Variants in SH3KBP1 observed in about 807,000 individuals in gnomAD.
SH3KBP1 encodes SH3 domain containing kinase binding protein 1.
SH3KBP1 carries 8 observed loss-of-function variants against 50.1 expected under a neutral mutation model. That is an observed-to-expected ratio of 0.16 (90% confidence interval 0.09 to 0.29). The LOEUF (loss-of-function observed/expected upper bound fraction) is 0.29. SH3KBP1 is among the 10% of genes least tolerant of loss of function. The probability of loss-of-function intolerance (pLI) is 1.00; values close to 1 mark genes in which losing one functional copy is unlikely to be tolerated. For missense variants in SH3KBP1, 377 were observed against 535.2 expected (o/e 0.70, Z 2.92); for synonymous variants, 227 against 218.6 (o/e 1.04, Z -0.34).
At chrX:19,731,438 T>C (rs1340401036) in intron 3 of SH3KBP1, among the ~76,000 whole-genome samples, 1 of 111,613 alleles carries the variant, frequency 9.0e-6, no homozygotes, top group Non-Finnish European at 1.9e-5. Context: ...ACCTTCAATC[T>C]CATTACTCAA....
chrX:19,790,044 A>G lies in SH3KBP1; in HGVS notation c.163-43603T>C, dbSNP rs371529472. On this transcript the variant is annotated intron_variant, in intron 2 of 17. Transcript: ENST00000397821. ...AAATGAAAGCTGCCCCACCTCCTCT[A>G]AGAGGCCCAGCCTGAGGCCAAACCT... Among the ~76,000 whole-genome samples, 68 of 107,736 alleles carry G rather than the reference A, an allele frequency of 6.3e-4. No homozygotes were observed. In the East Asian group the frequency reaches 0.018, roughly 28 times the overall value. The allele number at this position is 107,736 out of a possible 115,157, so 93.6% of individuals were successfully genotyped here. A position where few individuals can be genotyped will look rare whatever the true frequency, so the allele number is the denominator to read the frequency against.
intron 2 of SH3KBP1, among the ~76,000 whole-genome samples, chrX:19,831,241 A>G (rs914579360): frequency 9.1e-6 from 1 of 109,372 alleles, no homozygotes; most frequent in Non-Finnish European, 1.9e-5. Flanking sequence ...ATATAGCAAA[A>G]CCCCATCTCC....
At position 19,746,326 on chromosome X, in the gene SH3KBP1, T is replaced by C. The variant is rs1184250688; in HGVS notation, c.278A>G (p.Asn93Ser). 5.0e-6 allele frequency: 6 copies of C among 1,209,706 alleles called. No individual in the cohort carries two copies. The highest frequency in any genetic ancestry group is 1.1e-6 in the Non-Finnish European group (1 of 895,016). The change falls in exon 3 of 18, where the codon AAT (asparagine) becomes AGT (serine). Residue 93 changes from asparagine (N) to serine (S), a missense_variant. Asn to Ser is a conservative substitution (Grantham distance 46). Around this residue, in one of 3 missense-constraint regions of SH3KBP1, gnomAD observed 257 missense variants for 374.2 expected, o/e 0.69. Transcript: ENST00000397821. ...TTTTTCCTTTTCCATACCTCTCTTA[T>C]TGGTTCTTAAAATCGTTTCAGAAGA... ...LLSSETILRT[N>S]KRGERRRRRC... is the part of the protein sequence containing the mutation.
In SH3KBP1 at chrX:19,594,947, A is replaced by T; in HGVS notation, c.1057+2T>A. ...ATTTGATGGAACTGAAAGGTACATT[A>T]CCTGCCCCTTGTTTGATGACAGGAG... is the stretch of plus-strand genomic sequence containing the variant. On this transcript the variant is annotated splice_donor_variant, in intron 10 of 17. Coordinates refer to ENST00000397821, the MANE Select transcript of SH3KBP1 (RefSeq NM_031892.3). LOFTEE classifies it high-confidence loss of function. 1 of 1,191,529 alleles carries T rather than the reference A, an allele frequency of 8.4e-7. No homozygotes were observed. Among genetic ancestry groups the T allele is most frequent in the Non-Finnish European group, 1.1e-6 (1 of 877,051 alleles).
chrX:19,549,262 A>T (rs867522163), intron 14 of SH3KBP1, among the ~76,000 whole-genome samples: 2 of 104,777 alleles, frequency 1.9e-5, no homozygotes, highest in Admixed American at 1.0e-4. Flanking sequence ...ATTTTTTTTT[A>T]AAAAGCTAAG....
At chrX:19,744,403 C>T (rs1228654603) in intron 3 of SH3KBP1, among the ~76,000 whole-genome samples, 2 of 112,105 alleles carry the variant, frequency 1.8e-5, no homozygotes, top group Non-Finnish European at 1.9e-5. Flanking sequence ...TAGCAGAATA[C>T]TGGTAGTCTT....
intron 5 of SH3KBP1, among the ~76,000 whole-genome samples, chrX:19,693,393 G>C (rs772421142): frequency 4.5e-5 from 5 of 112,098 alleles, no homozygotes; most frequent in Admixed American, 9.4e-5. Context: ...AACCGATGGA[G>C]AGATGGGCCC....
chrX:19,585,690 C>CCAGCAGCAGCAGCAGCAGCAG (rs760758680), intron 12 of SH3KBP1, among the ~76,000 whole-genome samples: 8 of 108,707 alleles, frequency 7.4e-5, no homozygotes, highest in Non-Finnish European at 1.1e-4. Context: ...ACCACCACTA[C>CCAGCAGCAGCAGCAGCAGCAG]CAGCAGCAGC....
At chrX:19,776,093 A>G (rs1414220041) in intron 2 of SH3KBP1, among the ~76,000 whole-genome samples, 1 of 111,217 alleles carries the variant, frequency 9.0e-6, no homozygotes, top group East Asian at 2.8e-4. Flanking sequence ...CCATCCCCCA[A>G]AAGGAATTGG....
chrX:19,648,530 A>G (rs1267657615), intron 6 of SH3KBP1, among the ~76,000 whole-genome samples: 1 of 111,316 alleles, frequency 9.0e-6, no homozygotes, highest in East Asian at 2.8e-4. Context: ...GGAAGGCTGT[A>G]TCTAGCCTCT....
intron 2 of SH3KBP1, among the ~76,000 whole-genome samples, chrX:19,753,303 A>G (rs16981266): frequency 0.28 from 31,560 of 111,324 alleles, 5,035 homozygotes; most frequent in African/African-American, 0.62. Context: ...ACGTGGCTGC[A>G]GGATCACAGC....
At chrX:19,849,683 G>GAAA (rs61338118) in intron 1 of SH3KBP1, among the ~76,000 whole-genome samples, 13 of 48,816 alleles carry the variant, frequency 2.7e-4, no homozygotes, top group African/African-American at 4.1e-4. Flanking sequence ...GTAGCAGAGT[G>GAAA]AAAAAAAAAA....
intron 3 of SH3KBP1, 29 bp downstream of exon 3, chrX:19,746,289 G>A (rs762694449): frequency 2.5e-6 from 3 of 1,205,338 alleles, no homozygotes; most frequent in Non-Finnish European, 3.4e-6. Context: ...TTGTGTGCAG[G>A]GAGGGAACCT....
At chrX:19,692,563 A>G (rs2148627331) in intron 5 of SH3KBP1, among the ~76,000 whole-genome samples, 1 of 108,846 alleles carries the variant, frequency 9.2e-6, no homozygotes, top group Admixed American at 9.9e-5. Flanking sequence ...ACATATATAT[A>G]CACATATATA....
At chrX:19,690,038 TTCTCTCTC>T (rs566949129) in intron 5 of SH3KBP1, among the ~76,000 whole-genome samples, 363 of 95,422 alleles carry the variant, frequency 3.8e-3, no homozygotes, top group Non-Finnish European at 4.3e-3. Context: ...AAAACCATCT[TTCTCTCTC>T]TCTCTCTCTC....
At chrX:19,812,125 A>G (rs2067223762) in intron 2 of SH3KBP1, among the ~76,000 whole-genome samples, 1 of 111,677 alleles carries the variant, frequency 9.0e-6, no homozygotes, top group Admixed American at 9.5e-5. Context: ...TCCCAGACAC[A>G]TGATATCATC....
chrX:19,707,957 G>A (rs896706031), intron 3 of SH3KBP1, among the ~76,000 whole-genome samples: 7 of 112,862 alleles, frequency 6.2e-5, no homozygotes, highest in Admixed American at 5.6e-4. Flanking sequence ...ATGGCTGACC[G>A]CCTCACACCA....
chrX:19,564,035 T>G (rs1218477799), intron 13 of SH3KBP1, among the ~76,000 whole-genome samples: 1 of 111,629 alleles, frequency 9.0e-6, no homozygotes, highest in East Asian at 2.8e-4. Context: ...TTATTGAACC[T>G]GAGCAATTGC....
At chrX:19,798,724 C>T (rs562736480) in intron 2 of SH3KBP1, among the ~76,000 whole-genome samples, 1 of 112,036 alleles carries the variant, frequency 8.9e-6, no homozygotes, top group South Asian at 3.7e-4. Context: ...ACCATGAGAA[C>T]TTGGTGGCCA....
Sources: allele counts gnomAD v4.1 joint callset (sites outside exome capture counted in the v4.1 genomes callset), GRCh38; gene constraint gnomAD v4.1.1; regional missense constraint gnomAD v4.1.1; transcripts MANE v1.5; gene names NCBI Gene and HGNC (gene_info 2026-07-23, HGNC 2026-07-21).